The following COL5A1 variants were observed in gnomAD, a reference collection of about 807,000 sequenced individuals.
COL5A1 encodes collagen alpha-1(V) chain.
In COL5A1, 16 loss-of-function variants were observed where a neutral mutation model predicts 263.7. The ratio of observed to expected loss-of-function variants is 0.06; its 90% CI spans 0.04 to 0.09. The LOEUF is 0.09. Among genes scored for constraint, COL5A1 ranks in the 10% least tolerant of loss-of-function variants. The pLI is 1.00. For missense variants in COL5A1, 2,036 were observed against 2,540.5 expected, an observed-to-expected ratio of 0.80 and a Z score of 4.27; for synonymous variants, 1,012 against 1,004.5, an observed-to-expected ratio of 1.01 and a Z score of -0.14.
intron 28 of COL5A1, among the ~76,000 whole-genome samples, 171 bp downstream of exon 28, chr9:134,780,317 G>C (rs1440102385): frequency 1.3e-5 from 2 of 152,196 alleles, no homozygotes; most frequent in Non-Finnish European, 2.9e-5. Context: ...TTTGCAGACG[G>C]AAGAAGAGTA....
intron 64 of COL5A1, chr9:134,832,612 C>T (rs533983549): frequency 1.3e-5 from 2 of 152,332 alleles, no homozygotes; most frequent in African/African-American, 4.8e-5. Context: ...GCTTCAGGTC[C>T]TTCTGTGTCC....
intron 2 of COL5A1, among the ~76,000 whole-genome samples, chr9:134,694,816 T>G (rs1200512385): frequency 6.6e-6 from 1 of 152,122 alleles, no homozygotes; most frequent in Admixed American, 6.5e-5. Context: ...CTCGGTCCCC[T>G]GTGTCTGCAG....
At position 134,794,936 on chromosome 9, in the gene COL5A1, A is replaced by G; in HGVS notation, c.2701-146A>G. ...TCGCCCTGATAAATCTCCTATTAAA[A>G]CACGGAAAAGGTGGGTGGCGGGGAG... is the stretch of plus-strand genomic sequence containing the variant. On this transcript the variant is annotated intron_variant, in intron 32 of 65. Transcript: ENST00000371817. This position sits in a 1 kb window ranked among gnomAD's most constrained non-coding sequence, Gnocchi z 4.3. The G allele has an allele frequency of 1.2e-6, 1 of 821,478 alleles. No individual in the cohort carries two copies. Among genetic ancestry groups the G allele is most frequent in the Non-Finnish European group, 2.0e-6 (1 of 491,730 alleles). The allele number at this position is 821,478 out of a possible 1,614,324, so 50.9% of individuals were successfully genotyped here.
intron 2 of COL5A1, among the ~76,000 whole-genome samples, chr9:134,693,368 T>C (rs1034891011): frequency 6.6e-6 from 1 of 152,122 alleles, no homozygotes; most frequent in African/African-American, 2.4e-5. Context: ...TAATCTAGGG[T>C]AAATTTCTGA....
In COL5A1 at chr9:134,815,511, T is replaced by G. The variant is rs1460471357; in HGVS notation, c.4015-65T>G. On this transcript the variant is annotated intron_variant, in intron 50 of 65. Transcript: ENST00000371817. ...GGCCATCTTGAGGTGGTGACATGAT[T>G]GGCCGTGTGTGGTCTCAGTCAGGTT... The G allele has an allele frequency of 1.2e-5, 19 of 1,525,486 alleles. No individual in the cohort carries two copies. In the East Asian group the frequency reaches 4.3e-4, roughly 35 times the overall value. The allele number at this position is 1,525,486 out of a possible 1,614,324, so 94.5% of individuals were successfully genotyped here.
rs1329234673 is a variant in COL5A1 at position 134,754,920 on chromosome 9, T to C, written c.1827+594T>C. On this transcript the variant is annotated intron_variant, in intron 16 of 65. Transcript: ENST00000371817. The surrounding 1 kb of genome is among the most constrained non-coding windows in gnomAD (Gnocchi z 4.3). Reference sequence around the variant, plus strand: ...GACCTTTTCAACCAGCAGACCTTTCTGGTGAACGAGAGAAATTTCGGTGCA... The same window carrying C: ...GACCTTTTCAACCAGCAGACCTTTCCGGTGAACGAGAGAAATTTCGGTGCA... Among the ~76,000 whole-genome samples, 1 of 152,188 alleles carries C rather than the reference T, an allele frequency of 6.6e-6. No homozygotes were observed. Among genetic ancestry groups the C allele is most frequent in the Non-Finnish European group, 1.5e-5 (1 of 68,032 alleles).
At chr9:134,837,572 T>C (rs1317368794) in intron 65 of COL5A1, among the ~76,000 whole-genome samples, 1 of 151,890 alleles carries the variant, frequency 6.6e-6, no homozygotes, top group Non-Finnish European at 1.5e-5. Context: ...GGCAATGCTT[T>C]CTGACTCAGA....
chr9:134,765,049 C>T lies in COL5A1; in HGVS notation c.2035-632C>T, dbSNP rs1312498651. 6.6e-6 allele frequency among the ~76,000 whole-genome samples: 1 copy of T among 151,900 alleles called. No individual in the cohort carries two copies. Among genetic ancestry groups the T allele is most frequent in the East Asian group, 1.9e-4 (1 of 5,136 alleles). On this transcript the variant is annotated intron_variant, in intron 20 of 65. Transcript: ENST00000371817. This position sits in a 1 kb window ranked among gnomAD's most constrained non-coding sequence, Gnocchi z 5.1. ...GTGGCAGGCAGTTCTCCCGGAATCT[C>T]ACTCCACCTGCGGTAAAGGGGAGGT...
In COL5A1 at chr9:134,836,017, A is replaced by C. The variant is rs1839842445; in HGVS notation, c.5370+813A>C. 7.9e-5 allele frequency among the ~76,000 whole-genome samples: 12 copies of C among 152,312 alleles called. No homozygotes were observed. In the South Asian group the frequency reaches 2.5e-3, roughly 32 times the overall value. ...GGAGGTGGGAATCGCTGAGAATTCC[A>C]GCCTGTGGGTCTTCCTGTCACTGAC... On this transcript the variant is annotated intron_variant, in intron 65 of 65. Coordinates refer to ENST00000371817, the MANE Select transcript of COL5A1 (RefSeq NM_000093.5).
Position 134,814,723 on chromosome 9 carries a change from C to A in COL5A1, c.3907-74C>A, listed in dbSNP as rs552365899. ...GGCTGGTCTGAATGGGGTGAGAAAA[C>A]CGGGGAGGCCCACCTTGCTCTGGGC... On this transcript the variant is annotated intron_variant, in intron 49 of 65. Coordinates refer to ENST00000371817, the MANE Select transcript of COL5A1 (RefSeq NM_000093.5). The A allele has an allele frequency of 8.6e-4, 990 of 1,145,004 alleles. 1 individual carries two copies. The highest frequency in any genetic ancestry group is 1.2e-3 in the Non-Finnish European group (909 of 776,340). The allele number at this position is 1,145,004 out of a possible 1,614,324, so 70.9% of individuals were successfully genotyped here. A position where few individuals can be genotyped will look rare whatever the true frequency, so the allele number is the denominator to read the frequency against.
intron 4 of COL5A1, among the ~76,000 whole-genome samples, chr9:134,710,903 G>T (rs1324480528): frequency 8.6e-6 from 1 of 116,114 alleles, no homozygotes; most frequent in Non-Finnish European, 1.7e-5. Context: ...GTTGGGTGCA[G>T]TGGTGGGGGA....
rs533577828 is a variant in COL5A1 at position 134,796,312 on chromosome 9, A to G, written c.2800-62A>G. Reference sequence around the variant, plus strand: ...AGACGTTTTGATGACGTTGTGGGCCAGAGTCTTTTCATCCAAATAATAACA... The same window carrying G: ...AGACGTTTTGATGACGTTGTGGGCCGGAGTCTTTTCATCCAAATAATAACA... On this transcript the variant is annotated intron_variant, in intron 34 of 65. Transcript: ENST00000371817. 7.0e-5 allele frequency: 108 copies of G among 1,548,432 alleles called. 2 individuals carry two copies. The South Asian group carries it at 1.2e-3, about 17-fold the overall frequency.
intron 48 of COL5A1, among the ~76,000 whole-genome samples, chr9:134,813,715 C>A (rs1330189466): frequency 6.6e-6 from 1 of 152,248 alleles, no homozygotes; most frequent in East Asian, 1.9e-4. Context: ...CCCTCCACAA[C>A]CCTTGGAGCA....
chr9:134,784,424 T>A (rs13283716), intron 29 of COL5A1, among the ~76,000 whole-genome samples: 5,852 of 152,300 alleles, frequency 0.038, 156 homozygotes, highest in Non-Finnish European at 0.057. Context: ...CCTCTCCCCT[T>A]TCTGAGCCCC....
rs773513185 is a variant in COL5A1 at position 134,818,907 on chromosome 9, T to TCACATTCCTCATGGTGAGC, written c.4392+7_4392+25dup. On this transcript the variant is annotated splice_region_variant and intron_variant, in intron 56 of 65. Coordinates refer to ENST00000371817, the MANE Select transcript of COL5A1 (RefSeq NM_000093.5). This position sits in a 1 kb window ranked among gnomAD's most constrained non-coding sequence, Gnocchi z 6.0. Reference sequence around the variant, plus strand: ...ACGGTCCCCCCGGCCCCATGGTGAGTCACATTCCTCATGGTGAGCATAGCG... The same window carrying TCACATTCCTCATGGTGAGC: ...ACGGTCCCCCCGGCCCCATGGTGAGTCACATTCCTCATGGTGAGCCACATTCCTCATGGTGAGCATAGCG... The TCACATTCCTCATGGTGAGC allele has an allele frequency of 6.8e-6, 11 of 1,612,812 alleles. No homozygotes were observed. The highest frequency in any genetic ancestry group is 7.6e-6 in the Non-Finnish European group (9 of 1,179,688).
At chr9:134,732,315 G>C in intron 9 of COL5A1, 188 bp downstream of exon 9, 2 of 687,998 alleles carry the variant, frequency 2.9e-6, no homozygotes, top group Non-Finnish European at 2.6e-6. Context: ...AATCCCCTTG[G>C]GTAGGGGATG....
rs999396638 is a variant in COL5A1, at chr9:134,821,416, G to A, written c.4555-681G>A. On this transcript the variant is annotated intron_variant, in intron 58 of 65. Transcript: ENST00000371817. This position sits in a 1 kb window ranked among gnomAD's most constrained non-coding sequence, Gnocchi z 4.2. ...AAGCGCTCCCTCCCCAGTGAAATAC[G>A]GCCATCAGCCCTCCGCTACCCTCGC... Among the ~76,000 whole-genome samples, 3 of 152,132 alleles carry A rather than the reference G, an allele frequency of 2.0e-5. No homozygotes were observed. The highest frequency in any genetic ancestry group is 7.2e-5 in the African/African-American group (3 of 41,428).
At chr9:134,697,433 G>A (rs78821844) in intron 2 of COL5A1, among the ~76,000 whole-genome samples, 2,896 of 152,270 alleles carry the variant, frequency 0.019, 47 homozygotes, top group Non-Finnish European at 0.021. Context: ...GCCTTGTGCC[G>A]GAGACATGAG....
At chr9:134,706,648 A>G (rs1461118405) in intron 4 of COL5A1, among the ~76,000 whole-genome samples, 1 of 152,206 alleles carries the variant, frequency 6.6e-6, no homozygotes, top group Non-Finnish European at 1.5e-5. Context: ...CTCGGAAATC[A>G]TGACACAACT....
Sources: allele counts gnomAD v4.1 joint callset (sites outside exome capture counted in the v4.1 genomes callset), GRCh38; gene constraint gnomAD v4.1.1; non-coding constraint Gnocchi (gnomAD v3.1); transcripts MANE v1.5; gene names NCBI Gene and HGNC (gene_info 2026-07-23, HGNC 2026-07-21).